BCAS1: variants seen among roughly 807,000 people sequenced by gnomAD.
BCAS1 encodes brain enriched myelin associated protein 1, also known as breast carcinoma-amplified sequence 1.
Under a neutral mutation model 65.4 loss-of-function variants are expected in BCAS1, and 46 were observed. That is an observed-to-expected ratio of 0.70 (90% confidence interval 0.55 to 0.90). BCAS1 has a LOEUF of 0.90. BCAS1 is among the 40% of genes least tolerant of loss of function. The probability of loss-of-function intolerance (pLI) is 0.00; values close to 1 mark genes in which losing one functional copy is unlikely to be tolerated. For missense variants in BCAS1, 793 were observed against 771.2 expected (o/e 1.03, Z -0.33); for synonymous variants, 298 against 293.5 (o/e 1.02, Z -0.16).
chr20:54,015,945 C>T (rs182507547), intron 4 of BCAS1, among the ~76,000 whole-genome samples: 29 of 152,246 alleles, frequency 1.9e-4, no homozygotes, highest in African/African-American at 6.3e-4. Context: ...AAGAATAAAA[C>T]GAAATGCATC....
chr20:54,047,787 T>C (rs2092136919), intron 3 of BCAS1, among the ~76,000 whole-genome samples: 1 of 152,040 alleles, frequency 6.6e-6, no homozygotes, highest in Non-Finnish European at 1.5e-5. Context: ...CTCCACAGAG[T>C]GGGAGCAGGT....
intron 4 of BCAS1, among the ~76,000 whole-genome samples, chr20:54,026,384 C>A (rs2091673908): frequency 6.6e-6 from 1 of 152,210 alleles, no homozygotes; most frequent in African/African-American, 2.4e-5. Context: ...AACTTTTCCT[C>A]ACTTTTCTTA....
chr20:54,067,748 C>T (rs568450026), intron 1 of BCAS1, among the ~76,000 whole-genome samples: 92 of 152,242 alleles, frequency 6.0e-4, no homozygotes, highest in Middle Eastern at 3.4e-3. Context: ...GGCAGCTAGA[C>T]GACTGTTGAA....
At chr20:53,993,232 G>C (rs1282734726) in intron 6 of BCAS1, among the ~76,000 whole-genome samples, 1 of 152,198 alleles carries the variant, frequency 6.6e-6, no homozygotes, top group Non-Finnish European at 1.5e-5. Context: ...GCAAAGTAGA[G>C]GGAGATCGAA....
intron 4 of BCAS1, among the ~76,000 whole-genome samples, chr20:54,012,751 A>G (rs1568876122): frequency 6.6e-6 from 1 of 152,236 alleles, no homozygotes; most frequent in Non-Finnish European, 1.5e-5. Flanking sequence ...AATTCTTACA[A>G]CGATCCCATG....
intron 12 of BCAS1, among the ~76,000 whole-genome samples, chr20:53,947,043 G>A (rs768916346): frequency 1.4e-4 from 21 of 152,070 alleles, no homozygotes; most frequent in Non-Finnish European, 2.4e-4. Context: ...GCATAGTATA[G>A]TATATTGTAT....
chr20:54,003,340 C>A (rs776987920), intron 4 of BCAS1, among the ~76,000 whole-genome samples: 1 of 150,378 alleles, frequency 6.6e-6, no homozygotes, highest in Non-Finnish European at 1.5e-5. Flanking sequence ...GGAGTAAATT[C>A]TTTTTTCTAT....
intron 8 of BCAS1, among the ~76,000 whole-genome samples, chr20:53,984,089 T>C (rs1808751165): frequency 6.6e-6 from 1 of 152,190 alleles, no homozygotes; most frequent in South Asian, 2.1e-4. Context: ...TACGTTAATC[T>C]CAAATTTAAT....
intron 3 of BCAS1, among the ~76,000 whole-genome samples, chr20:54,041,909 C>T (rs71323986): frequency 1.3e-5 from 1 of 79,766 alleles, no homozygotes; most frequent in Non-Finnish European, 2.2e-5. Context: ...CTGTCTCCCC[C>T]AAAAAAAAAA....
chr20:53,950,716 TCC>T (rs1177833866), intron 12 of BCAS1, among the ~76,000 whole-genome samples: 1 of 152,190 alleles, frequency 6.6e-6, no homozygotes, highest in African/African-American at 2.4e-5. Flanking sequence ...TGAATATACC[TCC>T]AGCGCCTAGT....
intron 12 of BCAS1, among the ~76,000 whole-genome samples, chr20:53,946,556 TATA>T (rs2089328258): frequency 1.3e-5 from 2 of 150,956 alleles, no homozygotes; most frequent in African/African-American, 4.9e-5. Flanking sequence ...TATAGAGTAG[TATA>T]ATAACGTATT....
In BCAS1 at chr20:53,951,340, G is replaced by A. The variant is rs373155821; in HGVS notation, c.1815+2092C>T. Among the ~76,000 whole-genome samples, 28 of 152,142 alleles carry A rather than the reference G, an allele frequency of 1.8e-4. No individual in the cohort carries two copies. The South Asian group carries it at 5.6e-3, about 31-fold the overall frequency. ...TACAAAATTAGCCAGGCGTGGTGGC[G>A]CATGCCTGTAATCCCAGCTACTCGG... On this transcript the variant is annotated intron_variant, in intron 12 of 12. Transcript: ENST00000688948.
chr20:54,064,523 T>C (rs2092412682), intron 1 of BCAS1, among the ~76,000 whole-genome samples: 1 of 152,224 alleles, frequency 6.6e-6, no homozygotes, highest in South Asian at 2.1e-4. Context: ...GTCCTGGGCC[T>C]CCAGCTTCCC....
intron 6 of BCAS1, 89 bp from the exon 7 acceptor site, chr20:53,992,735 C>T: frequency 8.1e-7 from 1 of 1,234,894 alleles, no homozygotes; most frequent in Non-Finnish European, 1.1e-6. Context: ...CATTAATACG[C>T]TGTGACAATT....
intron 1 of BCAS1, among the ~76,000 whole-genome samples, chr20:54,067,765 G>T (rs998851084): frequency 6.6e-6 from 1 of 152,176 alleles, no homozygotes; most frequent in African/African-American, 2.4e-5. Flanking sequence ...TGAATGGGAG[G>T]GGGGGTGGTT....
At chr20:53,951,496 A>G (rs2089524458) in intron 12 of BCAS1, among the ~76,000 whole-genome samples, 1 of 152,194 alleles carries the variant, frequency 6.6e-6, no homozygotes, top group South Asian at 2.1e-4. Flanking sequence ...AGTAAACTAC[A>G]AGAAATCCAA....
At chr20:54,031,612 A>G (rs2091802161) in intron 3 of BCAS1, among the ~76,000 whole-genome samples, 3 of 151,438 alleles carry the variant, frequency 2.0e-5, no homozygotes, top group Admixed American at 2.0e-4. Flanking sequence ...CTTGAGAATC[A>G]GCACAAATGA....
intron 8 of BCAS1, among the ~76,000 whole-genome samples, chr20:53,978,013 A>G (rs2090378801): frequency 1.3e-5 from 2 of 148,728 alleles, no homozygotes; most frequent in South Asian, 4.5e-4. Flanking sequence ...AGCATTAGGT[A>G]TATCTCCCAA....
At chr20:53,948,520 G>C (rs753339131) in intron 12 of BCAS1, among the ~76,000 whole-genome samples, 23 of 152,200 alleles carry the variant, frequency 1.5e-4, no homozygotes, top group Non-Finnish European at 2.6e-4. Flanking sequence ...ACCCCCTTTA[G>C]GTGGGCACCT....
Sources: allele counts gnomAD v4.1 joint callset (sites outside exome capture counted in the v4.1 genomes callset), GRCh38; gene constraint gnomAD v4.1.1; transcripts MANE v1.5; gene names NCBI Gene and HGNC (gene_info 2026-07-23, HGNC 2026-07-21).